Variants in MAF observed in about 807,000 individuals in gnomAD.
MAF encodes MAF bZIP transcription factor, also known as transcription factor Maf.
Under a neutral mutation model 22.0 loss-of-function variants are expected in MAF, and 10 were observed. The observed-to-expected ratio is 0.45, with a 90% CI of 0.28 to 0.77. The LOEUF is 0.77. Ranked by LOEUF, MAF falls within the 30% of genes least tolerant of loss-of-function variation. The pLI, the probability that MAF is intolerant of heterozygous loss-of-function variation, is 0.12. For synonymous variants in MAF, 337 were observed against 255.8 expected (o/e 1.32, Z -3.03); for missense variants, 544 against 548.4 (o/e 0.99, Z 0.08).
At chr16:79,493,145 TTTGTTTTGTCTTG>T in the MAF span, among the ~76,000 whole-genome samples, 2 of 146,042 alleles carry the variant, frequency 1.4e-5, no homozygotes, top group Middle Eastern at 3.5e-3. Flanking sequence ...TTTTTTTTGT[TTTGTTTTGTCTTG>T]TTTTGTTTTG....
the MAF span, among the ~76,000 whole-genome samples, chr16:79,365,580 T>C: frequency 1.1e-5 from 1 of 90,800 alleles, no homozygotes; most frequent in Non-Finnish European, 1.9e-5. Context: ...AGTTTGTGTT[T>C]GTTTTTTTTT....
the MAF span, among the ~76,000 whole-genome samples, chr16:79,385,012 C>A: frequency 5.3e-5 from 8 of 152,122 alleles, no homozygotes; most frequent in Admixed American, 5.2e-4. Context: ...ACCTTGGAGA[C>A]AGGATCAGGA....
the MAF span, among the ~76,000 whole-genome samples, chr16:79,278,004 G>A: frequency 6.6e-6 from 1 of 152,206 alleles, no homozygotes; most frequent in East Asian, 1.9e-4. Flanking sequence ...CTCTCTAAGG[G>A]AAGGCCTGGA....
chr16:79,238,399 G>A, the MAF span, among the ~76,000 whole-genome samples: 3 of 152,168 alleles, frequency 2.0e-5, no homozygotes, highest in East Asian at 1.9e-4. Flanking sequence ...TAGAGCATAC[G>A]TCTTTTTTAC....
chr16:79,554,008 G>C, the MAF span, among the ~76,000 whole-genome samples: 1 of 152,168 alleles, frequency 6.6e-6, no homozygotes, highest in Non-Finnish European at 1.5e-5. Context: ...AGAATTGCTT[G>C]AACCCAGGAG....
At chr16:79,441,901 G>T in the MAF span, among the ~76,000 whole-genome samples, 3 of 152,166 alleles carry the variant, frequency 2.0e-5, no homozygotes, top group Non-Finnish European at 4.4e-5. Context: ...ATCCGATGAC[G>T]AGGATCTTTG....
At chr16:79,557,726 G>T in the MAF span, among the ~76,000 whole-genome samples, 3 of 152,000 alleles carry the variant, frequency 2.0e-5, no homozygotes, top group Non-Finnish European at 4.4e-5. Context: ...AAGTTCATGT[G>T]CAATTTTTCA....
downstream of MAF, among the ~76,000 whole-genome samples, chr16:79,585,443 G>A (rs1165386899): frequency 6.6e-6 from 1 of 151,938 alleles, no homozygotes; most frequent in African/African-American, 2.4e-5. Context: ...ATGTTTATGA[G>A]GCCCCGGTAA....
the MAF span, among the ~76,000 whole-genome samples, chr16:79,271,865 C>T: frequency 6.6e-6 from 1 of 152,222 alleles, no homozygotes; most frequent in Non-Finnish European, 1.5e-5. Context: ...GAAGGTGCTG[C>T]CTGTAACAGT....
chr16:79,574,592 T>C, the MAF span, among the ~76,000 whole-genome samples: 1 of 152,108 alleles, frequency 6.6e-6, no homozygotes, highest in Non-Finnish European at 1.5e-5. Flanking sequence ...CCTCTGACCA[T>C]AGCTCAATTG....
At chr16:79,590,210 G>T (rs30407), downstream of MAF, among the ~76,000 whole-genome samples, 7 of 152,078 alleles carry the variant, frequency 4.6e-5, no homozygotes, top group East Asian at 1.9e-4. Flanking sequence ...GTTGGCGGAG[G>T]GGGGGATGAT....
chr16:79,212,161 C>T, the MAF span: 25 of 1,494,578 alleles, frequency 1.7e-5, no homozygotes, highest in African/African-American at 3.2e-4. Context: ...CCAGCTACCA[C>T]CACGGCCACC....
At chr16:79,416,956 G>A in the MAF span, among the ~76,000 whole-genome samples, 10 of 152,120 alleles carry the variant, frequency 6.6e-5, no homozygotes, top group Non-Finnish European at 1.0e-4. Flanking sequence ...ATTCTTATTT[G>A]CACACCAGCA....
At chr16:79,538,797 G>A in the MAF span, among the ~76,000 whole-genome samples, 2 of 150,846 alleles carry the variant, frequency 1.3e-5, no homozygotes, top group Non-Finnish European at 1.5e-5. Context: ...CTACGCTACA[G>A]CCTGGGTGAC....
At chr16:79,502,680 T>C in the MAF span, among the ~76,000 whole-genome samples, 2,841 of 17,472 alleles carry the variant, frequency 0.16, 194 homozygotes, top group African/African-American at 0.28. Flanking sequence ...AATAAATAAA[T>C]ATAAATATAA....
chr16:79,546,989 C>G, the MAF span, among the ~76,000 whole-genome samples: 19 of 152,118 alleles, frequency 1.2e-4, no homozygotes, highest in African/African-American at 4.6e-4. Context: ...GGGGTGATGA[C>G]AGAACATTTT....
the MAF span, among the ~76,000 whole-genome samples, chr16:79,399,770 G>T: frequency 8.5e-5 from 13 of 152,244 alleles, no homozygotes; most frequent in African/African-American, 2.4e-4. Flanking sequence ...GGTAGAAGGG[G>T]GTTACCAAAG....
At chr16:79,208,892 G>C in the MAF span, among the ~76,000 whole-genome samples, 14 of 152,174 alleles carry the variant, frequency 9.2e-5, no homozygotes, top group Admixed American at 2.6e-4. Flanking sequence ...ACAAGATATT[G>C]TTACTGCTTA....
intron 1 of MAF, among the ~76,000 whole-genome samples, chr16:79,587,112 T>G (rs1912891358): frequency 6.6e-6 from 1 of 152,232 alleles, no homozygotes; most frequent in Non-Finnish European, 1.5e-5. Flanking sequence ...ATCTAAATGG[T>G]AAGACTATGC....
Sources: gnomAD v4.1 joint callset for allele counts (sites outside exome capture counted in the v4.1 genomes callset) on GRCh38, gnomAD v4.1.1 for gene constraint, MANE v1.5 for transcripts, NCBI Gene and HGNC (gene_info 2026-07-23, HGNC 2026-07-21) for gene names.